RBFOX1: variants seen among roughly 807,000 people sequenced by gnomAD.
RBFOX1 encodes the protein RNA binding fox-1 homolog 1.
A neutral mutation model predicts 57.7 loss-of-function variants in RBFOX1; 8 were observed. The observed-to-expected ratio is 0.14, with a 90% CI of 0.08 to 0.25. The LOEUF (loss-of-function observed/expected upper bound fraction) is 0.25. RBFOX1 is among the 10% of genes least tolerant of loss of function. The probability of loss-of-function intolerance (pLI) is 1.00; values close to 1 mark genes in which losing one functional copy is unlikely to be tolerated. For synonymous variants in RBFOX1, 326 were observed against 222.4 expected, an observed-to-expected ratio of 1.47 and a Z score of -4.15; for missense variants, 611 against 548.5, an observed-to-expected ratio of 1.11 and a Z score of -1.14.
At chr16:7,182,008 C>T (rs2082813636) in intron 4 of RBFOX1, among the ~76,000 whole-genome samples, 1 of 152,270 alleles carries the variant, frequency 6.6e-6, no homozygotes, top group Admixed American at 6.5e-5. Flanking sequence ...CCACTGATTC[C>T]ACCAATCTAA....
rs1230225765 is a variant in RBFOX1, at chr16:5,657,670, C to CT, written c.318+58713dup. Reference sequence around the variant, plus strand: ...TTTCTTTCTTTTCTTTTCTTTCTTTCTTTTCTTTTCTTTCTTTCTTTCTTT... The same window carrying CT: ...TTTCTTTCTTTTCTTTTCTTTCTTTCTTTTTCTTTTCTTTCTTTCTTTCTTT... On this transcript the variant is annotated intron_variant, in intron 3 of 19. Coordinates refer to the RBFOX1 transcript ENST00000641259. 5.0e-4 allele frequency among the ~76,000 whole-genome samples: 46 copies of CT among 91,806 alleles called. 1 individual carries two copies. The highest frequency in any genetic ancestry group is 2.0e-3 in the African/African-American group (44 of 21,726). The allele number at this position is 91,806 out of a possible 152,430, so 60.2% of individuals were successfully genotyped here.
chr16:6,274,944 AAC>A, intron 1 of RBFOX1, among the ~76,000 whole-genome samples: 1 of 152,322 alleles, frequency 6.6e-6, no homozygotes, highest in South Asian at 2.1e-4. Flanking sequence ...CATTCTGGAC[AAC>A]AGAGTGAGAC....
chr16:6,905,615 C>G (rs2069671859), intron 3 of RBFOX1, among the ~76,000 whole-genome samples: 1 of 151,406 alleles, frequency 6.6e-6, no homozygotes, highest in South Asian at 2.1e-4. Flanking sequence ...GTAGGTTGGA[C>G]TTTGTGTTTA....
chr16:6,151,501 G>C (rs978716078), intron 1 of RBFOX1, among the ~76,000 whole-genome samples: 1 of 152,124 alleles, frequency 6.6e-6, no homozygotes, highest in African/African-American at 2.4e-5. Context: ...GGCCAGGCTG[G>C]TGTTGAATTC....
At chr16:6,651,612 T>A (rs189631222) in intron 2 of RBFOX1, among the ~76,000 whole-genome samples, 1 of 152,158 alleles carries the variant, frequency 6.6e-6, no homozygotes, top group South Asian at 2.1e-4. Flanking sequence ...TTAGTGGGGA[T>A]GTAAAATGGT....
intron 4 of RBFOX1, among the ~76,000 whole-genome samples, chr16:7,477,514 T>A (rs539570598): frequency 6.6e-6 from 1 of 152,274 alleles, no homozygotes; most frequent in East Asian, 1.9e-4. Context: ...CCCCTGAATA[T>A]TATTGCCTGG....
intron 4 of RBFOX1, among the ~76,000 whole-genome samples, chr16:7,242,845 C>T (rs943858748): frequency 6.6e-6 from 1 of 152,194 alleles, no homozygotes; most frequent in African/African-American, 2.4e-5. Flanking sequence ...CAGGTTTGGA[C>T]TGTGCTGGTG....
chr16:6,815,273 C>A (rs185274286), intron 3 of RBFOX1, among the ~76,000 whole-genome samples: 1 of 151,970 alleles, frequency 6.6e-6, no homozygotes, highest in Admixed American at 6.6e-5. Context: ...GGGTTTTGGC[C>A]GACTTCTTTG....
chr16:6,460,341 C>T (rs903469048), intron 2 of RBFOX1, among the ~76,000 whole-genome samples: 3 of 151,810 alleles, frequency 2.0e-5, no homozygotes, highest in African/African-American at 7.3e-5. Context: ...AAAATTTTTG[C>T]AATCTATCCG....
intron 13 of RBFOX1, among the ~76,000 whole-genome samples, chr16:7,668,843 C>T (rs1422902073): frequency 3.3e-5 from 5 of 152,108 alleles, no homozygotes; most frequent in African/African-American, 9.7e-5. Context: ...TTTATACAAA[C>T]AGAGTTGCAA....
intron 14 of RBFOX1, among the ~76,000 whole-genome samples, chr16:7,679,901 G>C (rs142276105): frequency 1.4e-4 from 22 of 152,154 alleles, no homozygotes; most frequent in African/African-American, 5.3e-4. Context: ...AATTTAATGG[G>C]AATAGGTGAA....
At chr16:5,701,768 G>A (rs2151483339) in intron 3 of RBFOX1, among the ~76,000 whole-genome samples, 1 of 152,294 alleles carries the variant, frequency 6.6e-6, no homozygotes, top group African/African-American at 2.4e-5. Context: ...TCTTACCAGA[G>A]GCATTTTTTG....
intron 3 of RBFOX1, among the ~76,000 whole-genome samples, chr16:5,732,831 C>G (rs1440676725): frequency 2.6e-5 from 4 of 152,112 alleles, no homozygotes; most frequent in African/African-American, 9.7e-5. Context: ...TCACAAAAGT[C>G]TTCAACCGTG....
chr16:7,012,505 G>A (rs1407614770), intron 3 of RBFOX1, among the ~76,000 whole-genome samples: 1 of 152,138 alleles, frequency 6.6e-6, no homozygotes, highest in African/African-American at 2.4e-5. Context: ...ATAACTGCCT[G>A]GAACAGACAG....
chr16:6,134,683 A>ATTTTTTTTT (rs61209958), intron 1 of RBFOX1, among the ~76,000 whole-genome samples: 34 of 143,532 alleles, frequency 2.4e-4, no homozygotes, highest in African/African-American at 6.7e-4. Context: ...AACTCAGAGT[A>ATTTTTTTTT]TTTTTTTTTT....
At chr16:5,586,596 C>G (rs993879089) in intron 2 of RBFOX1, among the ~76,000 whole-genome samples, 2 of 152,224 alleles carry the variant, frequency 1.3e-5, no homozygotes, top group African/African-American at 4.8e-5. Flanking sequence ...CTCCTGGGCT[C>G]AAGCAATCTC....
intron 4 of RBFOX1, among the ~76,000 whole-genome samples, chr16:7,391,556 C>A (rs1003991810): frequency 6.6e-6 from 1 of 152,226 alleles, no homozygotes; most frequent in Non-Finnish European, 1.5e-5. Flanking sequence ...CTTGACCTCA[C>A]TGACTTGGTT....
chr16:6,338,659 T>C (rs1336914407), intron 2 of RBFOX1, among the ~76,000 whole-genome samples: 1 of 152,246 alleles, frequency 6.6e-6, no homozygotes, highest in East Asian at 1.9e-4. Context: ...TACCTGGTTA[T>C]GTAATTCCAA....
intron 3 of RBFOX1, among the ~76,000 whole-genome samples, chr16:6,883,685 C>T (rs1018401485): frequency 6.6e-6 from 1 of 152,156 alleles, no homozygotes; most frequent in Non-Finnish European, 1.5e-5. Flanking sequence ...CTCCCACATC[C>T]AGGCTGTTCA....
Sources: gnomAD v4.1 joint callset for allele counts (sites outside exome capture counted in the v4.1 genomes callset) on GRCh38, gnomAD v4.1.1 for gene constraint, MANE v1.5 for transcripts, NCBI Gene and HGNC (gene_info 2026-07-23, HGNC 2026-07-21) for gene names.